C4BPA: variants seen among roughly 807,000 people sequenced by gnomAD.
The protein encoded by C4BPA is complement component 4 binding protein alpha.
Under a neutral mutation model 63.7 loss-of-function variants are expected in C4BPA, and 31 were observed. That is an observed-to-expected ratio of 0.49 (90% confidence interval 0.37 to 0.66). The LOEUF (loss-of-function observed/expected upper bound fraction) is 0.66. Ranked by LOEUF, C4BPA falls within the 30% of genes least tolerant of loss-of-function variation. The pLI is 0.00. For missense variants in C4BPA, 572 were observed against 723.3 expected, an observed-to-expected ratio of 0.79 and a Z score of 2.40; for synonymous variants, 259 against 254.7, an observed-to-expected ratio of 1.02 and a Z score of -0.16.
At chr1:207,118,091 A>T (rs5003928) in intron 4 of C4BPA, among the ~76,000 whole-genome samples, 88,410 of 151,618 alleles carry the variant, frequency 0.58, 27,111 homozygotes, top group East Asian at 0.73. Context: ...TATTTATCCA[A>T]TTTGTATTGT....
rs1246568684 is a variant in C4BPA at position 207,113,062 on chromosome 1, A to G, written c.37A>G (p.Arg13Gly). The part of the protein sequence containing the change: ...PPKTPSGALH[R>G]KRKMAAWPFS... ...AAAAACTCCATCTGGGGCTCTTCAT[A>G]GAAAAAGGAAAATGGCAGCCTGGCC... The change falls in exon 2 of 12, where the codon AGA becomes GGA. Residue 13 changes from arginine (R) to glycine (G), a missense_variant. By Grantham distance (125) the Arg-to-Gly change is moderately radical (BLOSUM62 -2). Coordinates refer to ENST00000367070, the MANE Select transcript of C4BPA (RefSeq NM_000715.4). 8.1e-6 allele frequency: 13 copies of G among 1,609,502 alleles called. No individual in the cohort carries two copies. Among genetic ancestry groups the G allele is most frequent in the Non-Finnish European group, 1.1e-5 (13 of 1,178,450 alleles).
chr1:207,104,478 G>A (rs944653709), intron 1 of C4BPA, 48 bp downstream of exon 1: 9 of 152,302 alleles, frequency 5.9e-5, no homozygotes, highest in African/African-American at 2.2e-4. Flanking sequence ...AAAGGCTGGT[G>A]GTTTGGCCCT....
In C4BPA at chr1:207,143,950, C is replaced by G. The variant is rs1685477014; in HGVS notation, c.1577C>G (p.Ser526Cys). ...GVVGPQSITC[S>C]GNRTWYPEVP... is the part of the protein sequence containing the mutation. ...GTTGGTCCCCAAAGTATCACTTGCT[C>G]TGGGAACAGAACCTGGTACCCAGAG... Residue 526 changes from serine to cysteine, a missense_variant, in exon 11 of 12, where the codon TCT becomes TGT. Transcript: ENST00000367070. 6.2e-7 allele frequency: 1 copy of G among 1,607,052 alleles called. No homozygotes were observed. Among genetic ancestry groups the G allele is most frequent in the Non-Finnish European group, 8.5e-7 (1 of 1,176,952 alleles).
At chr1:207,119,930 C>T (rs773759581) in intron 4 of C4BPA, among the ~76,000 whole-genome samples, 56 of 152,332 alleles carry the variant, frequency 3.7e-4, no homozygotes, top group Middle Eastern at 6.8e-3. Context: ...AATGGGGTCA[C>T]CTAAACTTTT....
At chr1:207,116,854 C>A (rs1328154756) in intron 4 of C4BPA, among the ~76,000 whole-genome samples, 1 of 152,090 alleles carries the variant, frequency 6.6e-6, no homozygotes, top group Non-Finnish European at 1.5e-5. Flanking sequence ...TACGCCAACA[C>A]CACTTATTTA....
intron 9 of C4BPA, among the ~76,000 whole-genome samples, chr1:207,136,837 C>A (rs909799766): frequency 1.3e-5 from 2 of 152,154 alleles, no homozygotes; most frequent in East Asian, 1.9e-4. Flanking sequence ...ACAGTACCCT[C>A]CCCCTACTAG....
intron 4 of C4BPA, among the ~76,000 whole-genome samples, chr1:207,122,387 A>C (rs1684937366): frequency 6.6e-6 from 1 of 152,162 alleles, no homozygotes; most frequent in Non-Finnish European, 1.5e-5. Flanking sequence ...TACTGATCTG[A>C]AATTTCTTCT....
At position 207,144,016 on chromosome 1, in the gene C4BPA, G is replaced by A. The variant is rs376818474; in HGVS notation, c.1620+23G>A. On this transcript the variant is annotated intron_variant, in intron 11 of 11. Transcript: ENST00000367070. ...TGGGTAAGTGGCACAATTCAAGGAA[G>A]TTCTGTGCTGTCGACCCCTAAAAAT... 95 of 1,534,472 alleles carry A rather than the reference G, an allele frequency of 6.2e-5. No individual in the cohort carries two copies. The African/African-American group carries it at 8.9e-4, about 14-fold the overall frequency.
intron 1 of C4BPA, among the ~76,000 whole-genome samples, chr1:207,112,303 C>T (rs535504549): frequency 4.0e-4 from 61 of 150,698 alleles, no homozygotes; most frequent in African/African-American, 1.1e-3. Context: ...TACTTCTATA[C>T]GGCGACTCAA....
chr1:207,131,268 G>C, intron 7 of C4BPA, among the ~76,000 whole-genome samples: 1 of 152,206 alleles, frequency 6.6e-6, no homozygotes, highest in East Asian at 1.9e-4. Flanking sequence ...TAAAATCTCT[G>C]AAATGTAAAG....
At chr1:207,134,651 T>C (rs1304459598) in intron 9 of C4BPA, 59 bp downstream of exon 9, 12 of 1,232,972 alleles carry the variant, frequency 9.7e-6, no homozygotes, top group African/African-American at 4.6e-5. Context: ...GTGATGGAGA[T>C]TATTAAGAGA....
intron 6 of C4BPA, among the ~76,000 whole-genome samples, chr1:207,125,864 C>G (rs1010363387): frequency 2.6e-5 from 4 of 152,132 alleles, no homozygotes; most frequent in African/African-American, 9.7e-5. Flanking sequence ...TGGGGCTGGA[C>G]AGAAGTTAAG....
intron 4 of C4BPA, among the ~76,000 whole-genome samples, chr1:207,121,104 A>G (rs1218541002): frequency 6.6e-6 from 1 of 152,226 alleles, no homozygotes; most frequent in African/African-American, 2.4e-5. Context: ...CACTGTTCTC[A>G]GTCAGATCTA....
chr1:207,143,392 G>C (rs1685463355), intron 10 of C4BPA, among the ~76,000 whole-genome samples: 1 of 152,056 alleles, frequency 6.6e-6, no homozygotes, highest in South Asian at 2.1e-4. Flanking sequence ...GTAGATGATG[G>C]GTTGATGGGT....
At chr1:207,116,226 G>A (rs1006199336) in intron 4 of C4BPA, among the ~76,000 whole-genome samples, 13 of 152,096 alleles carry the variant, frequency 8.5e-5, no homozygotes, top group South Asian at 4.1e-4. Context: ...TTTTCCCAAT[G>A]TAAGAGGTGA....
intron 7 of C4BPA, among the ~76,000 whole-genome samples, chr1:207,128,094 T>C (rs2102345147): frequency 6.6e-6 from 1 of 152,296 alleles, no homozygotes; most frequent in East Asian, 1.9e-4. Context: ...CCCTTTTTCA[T>C]GGCTCTATGT....
chr1:207,126,492 T>G (rs1164665113), intron 6 of C4BPA, among the ~76,000 whole-genome samples: 1 of 149,330 alleles, frequency 6.7e-6, no homozygotes, highest in Non-Finnish European at 1.5e-5. Flanking sequence ...CAATAAAAAC[T>G]AGTACTGAAA....
chr1:207,134,353 G>T (rs372203187), intron 8 of C4BPA, 51 bp from the exon 9 acceptor site: 20 of 1,348,396 alleles, frequency 1.5e-5, no homozygotes, highest in Non-Finnish European at 2.0e-5. Flanking sequence ...AGCCATAGAA[G>T]CTTCCTCATG....
rs971135378 is a variant in C4BPA at position 207,143,845 on chromosome 1, A to G, written c.1472A>G (p.Asn491Ser). 6.2e-7 allele frequency: 1 copy of G among 1,613,458 alleles called. No homozygotes were observed. Among genetic ancestry groups the G allele is most frequent in the African/African-American group, 1.3e-5 (1 of 74,904 alleles). The change falls in exon 11 of 12, where the codon AAT (asparagine) becomes AGT (serine). Residue 491 changes from asparagine (N) to serine (S), a missense_variant. Physicochemically the swap from Asn to Ser is conservative, Grantham distance 46 (BLOSUM62 1). Transcript: ENST00000367070. ...KALCRKPELV[N>S]GRLSVDKDQY... is the part of the protein sequence containing the mutation. The stretch of plus-strand genomic sequence containing the variant: ...CTGTGTCGGAAACCAGAATTAGTGA[A>G]TGGAAGGTTGTCTGTGGATAAGGAT...
Sources: gnomAD v4.1 joint callset for allele counts (sites outside exome capture counted in the v4.1 genomes callset) on GRCh38, gnomAD v4.1.1 for gene constraint, MANE v1.5 for transcripts, NCBI Gene and HGNC (gene_info 2026-07-23, HGNC 2026-07-21) for gene names.